Variants in ABTB2 observed in about 807,000 individuals in gnomAD.
ABTB2 encodes the protein ankyrin repeat and BTB domain containing 2, also known as ankyrin repeat and BTB/POZ domain-containing protein 2.
A neutral mutation model predicts 104.1 loss-of-function variants in ABTB2; 56 were observed. The observed-to-expected ratio is 0.54, with a 90% CI of 0.43 to 0.67. ABTB2 has a LOEUF of 0.67. Ranked by LOEUF, ABTB2 falls within the 30% of genes least tolerant of loss-of-function variation. The pLI is 0.00. For synonymous variants in ABTB2, 606 were observed against 608.2 expected, an observed-to-expected ratio of 1.00 and a Z score of 0.05; for missense variants, 1,279 against 1,407.7, an observed-to-expected ratio of 0.91 and a Z score of 1.46.
At chr11:34,179,440 T>C (rs766571898) in intron 3 of ABTB2, among the ~76,000 whole-genome samples, 1 of 152,206 alleles carries the variant, frequency 6.6e-6, no homozygotes, top group Non-Finnish European at 1.5e-5. Context: ...ACAAAGCTGG[T>C]AGGGGCTGGC....
At chr11:34,314,398 C>T (rs1854899212) in intron 1 of ABTB2, among the ~76,000 whole-genome samples, 1 of 152,206 alleles carries the variant, frequency 6.6e-6, no homozygotes, top group Admixed American at 6.5e-5. Context: ...ATCTGTACTC[C>T]AAGGCTGAGC....
intron 11 of ABTB2, among the ~76,000 whole-genome samples, chr11:34,160,669 G>T (rs1456630425): frequency 3.9e-5 from 4 of 102,822 alleles, no homozygotes; most frequent in Admixed American, 3.0e-4. Flanking sequence ...ACGCGCGCGC[G>T]TGTGTGTGTG....
chr11:34,320,753 C>G lies in ABTB2; in HGVS notation c.883+35948G>C, dbSNP rs549430060. ...TTATCTCCCCTGGGCAATCCCAGCT[C>G]ACTACTGAGAATGCCTTACTTCTGG... On this transcript the variant is annotated intron_variant, in intron 1 of 16. Coordinates refer to ENST00000435224, the MANE Select transcript of ABTB2 (RefSeq NM_145804.3). Among the ~76,000 whole-genome samples the G allele has an allele frequency of 2.0e-5, 3 of 152,334 alleles. No individual in the cohort carries two copies. The South Asian group carries it at 6.2e-4, about 32-fold the overall frequency.
chr11:34,293,106 A>G (rs1198211259), intron 1 of ABTB2, among the ~76,000 whole-genome samples: 1 of 152,160 alleles, frequency 6.6e-6, no homozygotes, highest in African/African-American at 2.4e-5. Context: ...GTGTTTTTTG[A>G]GGGCAGAGTT....
chr11:34,339,551 C>A (rs1855237691), intron 1 of ABTB2, among the ~76,000 whole-genome samples: 1 of 152,136 alleles, frequency 6.6e-6, no homozygotes, highest in Non-Finnish European at 1.5e-5. Flanking sequence ...CAGTGAGGAC[C>A]CAGTTACACC....
chr11:34,152,628 C>A, intron 16 of ABTB2, 44 bp from the exon 17 acceptor site: 1 of 1,557,026 alleles, frequency 6.4e-7, no homozygotes, highest in South Asian at 1.2e-5. Context: ...CGCCTTAGTA[C>A]AGCCCCACTC....
chr11:34,229,412 T>C (rs573162350), intron 1 of ABTB2, among the ~76,000 whole-genome samples: 29 of 139,216 alleles, frequency 2.1e-4, no homozygotes, highest in South Asian at 4.6e-4. Context: ...ACCCGGGAGG[T>C]GGAGCTTGCA....
chr11:34,227,729 T>C (rs1017317691), intron 1 of ABTB2, among the ~76,000 whole-genome samples: 2 of 152,174 alleles, frequency 1.3e-5, no homozygotes, highest in Admixed American at 1.3e-4. Flanking sequence ...TAACTTTTTT[T>C]TTCTTCTTTT....
intron 1 of ABTB2, among the ~76,000 whole-genome samples, chr11:34,328,624 C>T (rs1463888944): frequency 6.6e-6 from 1 of 152,202 alleles, no homozygotes; most frequent in Admixed American, 6.5e-5. Flanking sequence ...CAGAAACCAC[C>T]TTTTTGTTCT....
chr11:34,244,086 T>A (rs575845840), intron 1 of ABTB2, among the ~76,000 whole-genome samples: 50 of 152,234 alleles, frequency 3.3e-4, no homozygotes, highest in African/African-American at 1.2e-3. Flanking sequence ...GCCCTGGAGA[T>A]AGAAAAGAGA....
chr11:34,345,488 C>A (rs749549070), intron 1 of ABTB2, among the ~76,000 whole-genome samples: 6 of 152,144 alleles, frequency 3.9e-5, no homozygotes, highest in Non-Finnish European at 8.8e-5. Flanking sequence ...CGGATGTAAC[C>A]CAAACAGAAC....
chr11:34,197,435 A>C lies in ABTB2; in HGVS notation c.1134T>G (p.Thr378=), dbSNP rs774144995. 20 of 1,605,548 alleles carry C rather than the reference A, an allele frequency of 1.2e-5. No homozygotes were observed. In the Admixed American group the frequency reaches 3.0e-4, roughly 24 times the overall value. Residue 378 remains threonine, a synonymous_variant, in exon 3 of 17, where the codon ACT becomes ACG. Coordinates refer to ENST00000435224, the MANE Select transcript of ABTB2 (RefSeq NM_145804.3). The part of the protein sequence containing the change: ...RQARQPPQPI[T]WSPDALHTLY... ...GCGTGTGGAGGGCGTCGGGGGACCA[A>C]GTGATGGGCTGTGGCGGCTGGCGGG...
intron 1 of ABTB2, among the ~76,000 whole-genome samples, chr11:34,275,281 C>T (rs1854370520): frequency 1.3e-5 from 2 of 152,318 alleles, no homozygotes; most frequent in African/African-American, 4.8e-5. Context: ...GTCTGAGTTA[C>T]AGGCACCATT....
intron 1 of ABTB2, among the ~76,000 whole-genome samples, chr11:34,235,870 C>CA (rs1853836200): frequency 6.6e-6 from 1 of 152,206 alleles, no homozygotes; most frequent in South Asian, 2.1e-4. Context: ...GCTGAGAAGG[C>CA]AGAGCAGAGC....
rs146193179 is a variant in ABTB2, at chr11:34,206,379, A to AAAAAC, written c.884-1694_884-1690dup. ...GCCTGGCAACAGAGACTGTGTCTCAAAAAACAAAACAAAACAAAACAAAAA... is the reference window on the plus strand; with the variant it reads ...GCCTGGCAACAGAGACTGTGTCTCAAAAAACAAAACAAAACAAAACAAAACAAAAA... On this transcript the variant is annotated intron_variant, in intron 1 of 16. Coordinates refer to ENST00000435224, the MANE Select transcript of ABTB2 (RefSeq NM_145804.3). Among the ~76,000 whole-genome samples the AAAAAC allele has an allele frequency of 5.3e-5, 8 of 152,274 alleles. No homozygotes were observed. The East Asian group carries it at 5.8e-4, about 11-fold the overall frequency.
At chr11:34,308,459 A>G (rs1219295871) in intron 1 of ABTB2, among the ~76,000 whole-genome samples, 1 of 152,218 alleles carries the variant, frequency 6.6e-6, no homozygotes. Context: ...TATTGGGACC[A>G]ACATTCGATC....
chr11:34,225,432 G>A (rs2133053090), intron 1 of ABTB2, among the ~76,000 whole-genome samples: 1 of 152,270 alleles, frequency 6.6e-6, no homozygotes, highest in East Asian at 1.9e-4. Context: ...CACCCTCTTG[G>A]GCTCTAGCTT....
chr11:34,270,924 T>G (rs1203620434), intron 1 of ABTB2, among the ~76,000 whole-genome samples: 2 of 152,210 alleles, frequency 1.3e-5, no homozygotes, highest in African/African-American at 4.8e-5. Flanking sequence ...GAGGGCTGCC[T>G]CTTGACTTTA....
intron 1 of ABTB2, among the ~76,000 whole-genome samples, chr11:34,221,829 G>A (rs1044323067): frequency 1.3e-5 from 2 of 152,088 alleles, no homozygotes; most frequent in South Asian, 2.1e-4. Context: ...ACCTGAGGTC[G>A]GGAGTTCCAG....
Sources: gnomAD v4.1 joint callset for allele counts (sites outside exome capture counted in the v4.1 genomes callset) on GRCh38, gnomAD v4.1.1 for gene constraint, MANE v1.5 for transcripts, NCBI Gene and HGNC (gene_info 2026-07-23, HGNC 2026-07-21) for gene names.